Variants in WTAP observed in about 807,000 individuals in gnomAD.
WTAP encodes WT1 associated protein, also known as pre-mRNA-splicing regulator WTAP.
WTAP carries 8 observed loss-of-function variants against 50.0 expected under a neutral mutation model. The ratio of observed to expected loss-of-function variants is 0.16; its 90% confidence interval spans 0.09 to 0.29. The LOEUF is 0.29. Ranked by LOEUF, WTAP falls within the 10% of genes least tolerant of loss-of-function variation. The probability of loss-of-function intolerance (pLI) is 1.00; values close to 1 mark genes in which losing one functional copy is unlikely to be tolerated. For synonymous variants in WTAP, 194 were observed against 169.0 expected, an observed-to-expected ratio of 1.15 and a Z score of -1.15; for missense variants, 295 against 470.7, an observed-to-expected ratio of 0.63 and a Z score of 3.45.
chr6:159,732,386 G>C (rs1305411705), intron 1 of WTAP, among the ~76,000 whole-genome samples: 1 of 152,128 alleles, frequency 6.6e-6, no homozygotes, highest in African/African-American at 2.4e-5. Flanking sequence ...TTTTCAAACT[G>C]TCATTCACAG....
intron 1 of WTAP, 24 bp from the exon 2 acceptor site, chr6:159,736,234 G>C: frequency 6.3e-7 from 1 of 1,580,616 alleles, no homozygotes; most frequent in South Asian, 1.2e-5. Context: ...AATTGAACTT[G>C]TTTTCCGCAA....
At chr6:159,743,201 C>G (rs953010849) in intron 4 of WTAP, among the ~76,000 whole-genome samples, 3 of 152,192 alleles carry the variant, frequency 2.0e-5, no homozygotes, top group Non-Finnish European at 2.9e-5. Context: ...ACATGCATCA[C>G]CACGACTGGC....
At position 159,748,176 on chromosome 6, in the gene WTAP, T is replaced by G. The variant is rs760891568; in HGVS notation, c.274-15T>G. 4 of 1,607,872 alleles carry G rather than the reference T, an allele frequency of 2.5e-6. No homozygotes were observed. The African/African-American group carries it at 5.4e-5, about 22-fold the overall frequency. ...CCTTTGATTTGGTCGTAATTGTTTCTTTTGCTTTGCACAGACTCAAATCCA... is the reference window on the plus strand; with the variant it reads ...CCTTTGATTTGGTCGTAATTGTTTCGTTTGCTTTGCACAGACTCAAATCCA... On this transcript the variant is annotated splice_polypyrimidine_tract_variant and intron_variant, in intron 5 of 7. Coordinates refer to ENST00000621533, the MANE Select transcript of WTAP (RefSeq NM_001270531.2). The surrounding 1 kb of genome is among the most constrained non-coding windows in gnomAD (Gnocchi z 5.6).
At position 159,753,309 on chromosome 6, in the gene WTAP, A is replaced by T. The variant is rs116935992; in HGVS notation, c.453-151A>T. ...CAAAATACTGAAATGCAGAAGATGG[A>T]TGTGTCCCAGAAAAGAAGATGGTAA... On this transcript the variant is annotated intron_variant, in intron 6 of 7. Coordinates refer to ENST00000621533, the MANE Select transcript of WTAP (RefSeq NM_001270531.2). 180 of 1,122,552 alleles carry T rather than the reference A, an allele frequency of 1.6e-4. 3 individuals carry two copies. The East Asian group carries it at 3.8e-3, about 23-fold the overall frequency. 69.5% of individuals were successfully genotyped at this position (1,122,552 alleles called of 1,614,324 possible).
chr6:159,730,101 G>A lies in WTAP; in HGVS notation c.-9+2398G>A, dbSNP rs57466749. 2.7e-4 allele frequency among the ~76,000 whole-genome samples: 41 copies of A among 152,146 alleles called. No individual in the cohort carries two copies. In the East Asian group the frequency reaches 7.5e-3, roughly 28 times the overall value. On this transcript the variant is annotated intron_variant, in intron 1 of 7. Coordinates refer to ENST00000621533, the MANE Select transcript of WTAP (RefSeq NM_001270531.2). ...GTCAATCATGTTACCACCCTTTTGA[G>A]GGGCACCAAATTTGAGACCCTTACC...
chr6:159,729,158 T>C (rs1405493869), intron 1 of WTAP, among the ~76,000 whole-genome samples: 1 of 152,248 alleles, frequency 6.6e-6, no homozygotes, highest in African/African-American at 2.4e-5. Context: ...AGGTCTCTTA[T>C]GGTCTTGTAT....
rs772796681 is a variant in WTAP, at chr6:159,742,165, T to C, written c.145+19T>C. ...CTTAACTGTAAGTTTGAGTTTTAGCTTCCTAAAGACTGAATAATCTCCTTT... is the reference window on the plus strand; with the variant it reads ...CTTAACTGTAAGTTTGAGTTTTAGCCTCCTAAAGACTGAATAATCTCCTTT... On this transcript the variant is annotated intron_variant, in intron 4 of 7. Coordinates refer to ENST00000621533, the MANE Select transcript of WTAP (RefSeq NM_001270531.2). 1.9e-6 allele frequency: 3 copies of C among 1,584,120 alleles called. No homozygotes were observed. Among genetic ancestry groups the C allele is most frequent in the Non-Finnish European group, 1.7e-6 (2 of 1,162,050 alleles).
upstream of WTAP, chr6:159,727,079 C>T: frequency 8.3e-7 from 1 of 1,202,854 alleles, no homozygotes; most frequent in Non-Finnish European, 1.1e-6. Context: ...TGCCCTGGGG[C>T]TGACCTCCGA....
At chr6:159,744,246 T>C (rs2114930614) in intron 5 of WTAP, among the ~76,000 whole-genome samples, 1 of 152,354 alleles carries the variant, frequency 6.6e-6, no homozygotes, top group African/African-American at 2.4e-5. Flanking sequence ...AGAACTTTGA[T>C]GTGTACTGTG....
At chr6:159,750,114 T>C (rs1462912987) in intron 6 of WTAP, among the ~76,000 whole-genome samples, 1 of 152,238 alleles carries the variant, frequency 6.6e-6, no homozygotes, top group Non-Finnish European at 1.5e-5. Flanking sequence ...CTTCTAAAAT[T>C]CTCACTATTT....
At chr6:159,726,869 G>C (rs928757320), upstream of WTAP, 1 of 1,289,120 alleles carries the variant, frequency 7.8e-7, no homozygotes, top group Non-Finnish European at 1.0e-6. Context: ...CTTCTGCTAA[G>C]AGTAAACGCC....
chr6:159,742,045 CTATT>C (rs891213892), intron 3 of WTAP, 39 bp from the exon 4 acceptor site: 1 of 1,371,224 alleles, frequency 7.3e-7, no homozygotes, highest in Non-Finnish European at 1.0e-6. Flanking sequence ...ATTTAATAAA[CTATT>C]TTATCGTAAC....
chr6:159,727,605 T>G lies in WTAP; in HGVS notation c.-107T>G, dbSNP rs1404061115. 1 of 986,134 alleles carries G rather than the reference T, an allele frequency of 1.0e-6. No individual in the cohort carries two copies. Among genetic ancestry groups the G allele is most frequent in the Non-Finnish European group, 1.2e-6 (1 of 830,678 alleles). The allele number at this position is 986,134 out of a possible 1,614,324, so 61.1% of individuals were successfully genotyped here. A position where few individuals can be genotyped will look rare whatever the true frequency, so the allele number is the denominator to read the frequency against. On this transcript the variant is annotated 5_prime_UTR_variant, in exon 1 of 8. Transcript: ENST00000621533. ...CGCGGCGGGGCCGGCGGCAGAGCTG[T>G]CCGGCTGCGCGGTGGCCCGGGGGGC...
rs553934603 is a variant in WTAP at position 159,737,035 on chromosome 6, TCCCTCTGGTA to T, written c.30+745_30+754del. 5.9e-5 allele frequency among the ~76,000 whole-genome samples: 9 copies of T among 152,344 alleles called. No individual in the cohort carries two copies. In the East Asian group the frequency reaches 1.5e-3, roughly 26 times the overall value. On this transcript the variant is annotated intron_variant, in intron 2 of 7. Coordinates refer to ENST00000621533, the MANE Select transcript of WTAP (RefSeq NM_001270531.2). The stretch of plus-strand genomic sequence containing the variant: ...TCATAATCTGAGAATTACTGTGTGC[TCCCTCTGGTA>T]CCCTTTGATTTTCCTCCCTTGGAAC...
intron 1 of WTAP, among the ~76,000 whole-genome samples, chr6:159,728,303 C>G (rs1295879933): frequency 6.6e-6 from 1 of 151,940 alleles, no homozygotes; most frequent in African/African-American, 2.4e-5. Context: ...AGTCTGTGTA[C>G]ACGTAATGGA....
intron 2 of WTAP, 146 bp downstream of exon 2, chr6:159,736,441 G>A (rs1438964790): frequency 1.5e-6 from 1 of 650,774 alleles, no homozygotes; most frequent in Non-Finnish European, 2.7e-6. Context: ...AATAGCATTG[G>A]AGTTGTACAG....
In WTAP at chr6:159,743,806, G is replaced by A. The variant is rs1460721031; in HGVS notation, c.273+14G>A. 2 of 1,590,982 alleles carry A rather than the reference G, an allele frequency of 1.3e-6. No homozygotes were observed. The highest frequency in any genetic ancestry group is 1.7e-6 in the Non-Finnish European group (2 of 1,171,824). ...CAAGAGTGTACTGTAAGTATTTCAA[G>A]TTATATAAATGTCTTTAGTTGAGGA... On this transcript the variant is annotated intron_variant, in intron 5 of 7. Coordinates refer to ENST00000621533, the MANE Select transcript of WTAP (RefSeq NM_001270531.2).
chr6:159,731,149 GA>G (rs1242790123), intron 1 of WTAP, among the ~76,000 whole-genome samples: 1 of 149,628 alleles, frequency 6.7e-6, no homozygotes, highest in South Asian at 2.1e-4. Context: ...TCAAAAAAAA[GA>G]AAAAAAGAAA....
intron 2 of WTAP, 52 bp downstream of exon 2, chr6:159,736,347 C>T (rs1778913424): frequency 5.1e-6 from 7 of 1,375,620 alleles, no homozygotes; most frequent in Middle Eastern, 1.8e-4. Flanking sequence ...TTTTTGGGGG[C>T]TTTTTTAAGC....
Sources: gnomAD v4.1 joint callset for allele counts (sites outside exome capture counted in the v4.1 genomes callset) on GRCh38, gnomAD v4.1.1 for gene constraint, Gnocchi (gnomAD v3.1) non-coding constraint, MANE v1.5 for transcripts, NCBI Gene and HGNC (gene_info 2026-07-23, HGNC 2026-07-21) for gene names.